Variants in LSS observed in about 807,000 individuals in gnomAD.
LSS encodes the protein lanosterol synthase, also known as 2,3-epoxysqualene-lanosterol cyclase.
In LSS, 90 loss-of-function variants were observed where a neutral mutation model predicts 110.3. The observed-to-expected ratio is 0.82, with a 90% confidence interval of 0.69 to 0.97. LSS has a LOEUF of 0.97. LSS is among the 50% of genes least tolerant of loss of function. The pLI, the probability that LSS is intolerant of heterozygous loss-of-function variation, is 0.00. For missense variants in LSS, 927 were observed against 990.0 expected (o/e 0.94, Z 0.85); for synonymous variants, 433 against 400.0 (o/e 1.08, Z -0.98).
chr21:46,212,305 C>G (rs1016134286), intron 11 of LSS, among the ~76,000 whole-genome samples: 6 of 152,212 alleles, frequency 3.9e-5, no homozygotes, highest in Non-Finnish European at 4.4e-5. Flanking sequence ...ACCCAGGACA[C>G]CTCTGGAGAC....
intron 10 of LSS, among the ~76,000 whole-genome samples, 187 bp downstream of exon 10, chr21:46,213,551 G>A (rs2080160829): frequency 6.6e-6 from 1 of 152,188 alleles, no homozygotes; most frequent in Non-Finnish European, 1.5e-5. Flanking sequence ...CTTCCACTGG[G>A]TGGCAAATCT....
chr21:46,193,711 G>A (rs1246965380), intron 20 of LSS: 1 of 450,326 alleles, frequency 2.2e-6, no homozygotes, highest in Non-Finnish European at 4.4e-6. Context: ...TGTGTACACA[G>A]GTGCCTGTGC....
chr21:46,206,181 A>G (rs192643423), intron 16 of LSS, among the ~76,000 whole-genome samples: 1 of 152,318 alleles, frequency 6.6e-6, no homozygotes, highest in East Asian at 1.9e-4. Flanking sequence ...GCCATGTGTG[A>G]TGTGGAGGGG....
intron 17 of LSS, among the ~76,000 whole-genome samples, chr21:46,199,179 C>T (rs1270774701): frequency 6.6e-6 from 1 of 152,088 alleles, no homozygotes; most frequent in Non-Finnish European, 1.5e-5. Context: ...AACTAAAACT[C>T]AACAATAAGA....
At chr21:46,226,869 C>T (rs999689) in intron 3 of LSS, among the ~76,000 whole-genome samples, 7,844 of 152,056 alleles carry the variant, frequency 0.052, 618 homozygotes, top group African/African-American at 0.18. Flanking sequence ...ACAAAGTCAG[C>T]GTAGTAAAAG....
At chr21:46,224,430 T>C (rs556823664) in intron 3 of LSS, among the ~76,000 whole-genome samples, 1 of 152,262 alleles carries the variant, frequency 6.6e-6, no homozygotes, top group South Asian at 2.1e-4. Context: ...CGTCTTTATT[T>C]CTACACTCTC....
Position 46,205,825 on chromosome 21 carries a change from AC to A in LSS, c.1670+10del, listed in dbSNP as rs1218770100. 3 of 1,589,904 alleles carry A rather than the reference AC, an allele frequency of 1.9e-6. No individual in the cohort carries two copies. Among genetic ancestry groups the A allele is most frequent in the Non-Finnish European group, 2.6e-6 (3 of 1,167,380 alleles). On this transcript the variant is annotated intron_variant, in intron 17 of 21. Coordinates refer to ENST00000397728, the MANE Select transcript of LSS (RefSeq NM_002340.6). Reference sequence around the variant, plus strand: ...GCAGCGCCCACACTGAATGGCTGAGACCCTCCTTACCGGATCTCCGCTGCCC... The same window carrying A: ...GCAGCGCCCACACTGAATGGCTGAGACCTCCTTACCGGATCTCCGCTGCCC...
At chr21:46,223,955 G>T (rs2080308049) in intron 3 of LSS, among the ~76,000 whole-genome samples, 1 of 152,146 alleles carries the variant, frequency 6.6e-6, no homozygotes, top group Non-Finnish European at 1.5e-5. Context: ...GGGGAATTTA[G>T]AGAAGACTCT....
chr21:46,223,119 G>A (rs77758767), intron 3 of LSS, among the ~76,000 whole-genome samples: 1,588 of 152,332 alleles, frequency 0.01, 27 homozygotes, highest in African/African-American at 0.037. Context: ...GGAGACTGTT[G>A]GTCTTGCTTT....
At position 46,213,846 on chromosome 21, in the gene LSS, G is replaced by A. The variant is rs761676287; in HGVS notation, c.1012-11C>T. 9 of 1,605,158 alleles carry A rather than the reference G, an allele frequency of 5.6e-6. No individual in the cohort carries two copies. Among genetic ancestry groups the A allele is most frequent in the African/African-American group, 1.3e-5 (1 of 74,708 alleles). On this transcript the variant is annotated splice_polypyrimidine_tract_variant and intron_variant, in intron 9 of 21. Transcript: ENST00000397728. ...GATGGTTTTCGAGATCTGCAGGAGA[G>A]ACAGCCCTGTCAAGGCTCCGCTCCA...
At chr21:46,221,098 ACCCGGGGCTTGGAGAGGTGGACAG>A in intron 5 of LSS, among the ~76,000 whole-genome samples, 10 of 128,888 alleles carry the variant, frequency 7.8e-5, no homozygotes, top group South Asian at 2.6e-4. Flanking sequence ...AGGTAAGACA[ACCCGGGGCTTGGAGAGGTGGACAG>A]CCCGGGGCTT....
intron 2 of LSS, 125 bp downstream of exon 2, chr21:46,228,309 C>G: frequency 1.8e-6 from 2 of 1,117,158 alleles, no homozygotes; most frequent in South Asian, 3.2e-5. Flanking sequence ...TTCCCGTGGG[C>G]GCTCGCCTTG....
chr21:46,219,034 G>T (rs568385444), intron 6 of LSS, among the ~76,000 whole-genome samples: 33 of 152,282 alleles, frequency 2.2e-4, no homozygotes, highest in African/African-American at 7.5e-4. Flanking sequence ...CACAGACACT[G>T]ATCTTTTAAA....
chr21:46,199,092 T>G (rs1267056786), intron 17 of LSS, among the ~76,000 whole-genome samples: 2 of 151,988 alleles, frequency 1.3e-5, no homozygotes, highest in Non-Finnish European at 2.9e-5. Flanking sequence ...GTTAATAGAA[T>G]GAAAAGACAA....
chr21:46,213,764 A>C lies in LSS; in HGVS notation c.1083T>G (p.His361Gln). The C allele has an allele frequency of 6.2e-7, 1 of 1,614,052 alleles. No individual in the cohort carries two copies. Among genetic ancestry groups the C allele is most frequent in the Non-Finnish European group, 8.5e-7 (1 of 1,179,986 alleles). ...DGPASTAFQE[H>Q]VSRIPDYLWM... ...AGAGATAGTCCGGGATTCTGGAGAC[A>C]TGCTCCTGGAAGGCAGTGGAGGCGG... Residue 361 changes from histidine to glutamine, a missense_variant, in exon 10 of 22, where the codon CAT becomes CAG. Transcript: ENST00000397728.
At chr21:46,192,148 G>A in intron 20 of LSS, 189 bp from the exon 21 acceptor site, 1 of 624,112 alleles carries the variant, frequency 1.6e-6, no homozygotes, top group Non-Finnish European at 2.9e-6. Context: ...TTCTTCCTAG[G>A]CTCCCTGAGA....
At chr21:46,218,765 C>T (rs1198910825) in intron 6 of LSS, among the ~76,000 whole-genome samples, 130 of 146,432 alleles carry the variant, frequency 8.9e-4, no homozygotes, top group African/African-American at 3.1e-3. Context: ...CTCACTCCGT[C>T]GCCAGGCTGG....
At chr21:46,192,166 C>A in intron 20 of LSS, 1 of 613,780 alleles carries the variant, frequency 1.6e-6, no homozygotes, top group Non-Finnish European at 2.9e-6. Flanking sequence ...AGAAGCGGAG[C>A]CACAGCAATG....
intron 20 of LSS, among the ~76,000 whole-genome samples, chr21:46,194,068 G>A (rs1171528352): frequency 1.3e-5 from 2 of 152,122 alleles, no homozygotes; most frequent in Non-Finnish European, 1.5e-5. Flanking sequence ...ATGCGTCTGC[G>A]TGTGTGTGCA....
Sources: allele counts gnomAD v4.1 joint callset (sites outside exome capture counted in the v4.1 genomes callset), GRCh38; gene constraint gnomAD v4.1.1; transcripts MANE v1.5; gene names NCBI Gene and HGNC (gene_info 2026-07-23, HGNC 2026-07-21).